FOXP4: variants seen among roughly 807,000 people sequenced by gnomAD.
The protein encoded by FOXP4 is forkhead box protein P4.
Under a neutral mutation model 82.6 loss-of-function variants are expected in FOXP4, and 25 were observed. The observed-to-expected ratio is 0.30, with a 90% CI of 0.22 to 0.42. The LOEUF (loss-of-function observed/expected upper bound fraction) is 0.42. FOXP4 is among the 10% of genes least tolerant of loss of function. The pLI, the probability that FOXP4 is intolerant of heterozygous loss-of-function variation, is 1.00. For synonymous variants in FOXP4, 415 were observed against 388.2 expected (o/e 1.07, Z -0.81); for missense variants, 785 against 900.9 (o/e 0.87, Z 1.65).
chr6:41,598,410 G>A (rs1767001221), intron 16 of FOXP4, among the ~76,000 whole-genome samples: 1 of 151,966 alleles, frequency 6.6e-6, no homozygotes, highest in Admixed American at 6.6e-5. Flanking sequence ...AGAGAATGGG[G>A]TTTCACCGTG....
intron 2 of FOXP4, among the ~76,000 whole-genome samples, chr6:41,570,973 A>G (rs1381074245): frequency 2.0e-5 from 3 of 151,910 alleles, no homozygotes; most frequent in Non-Finnish European, 4.4e-5. Flanking sequence ...CCCCACTCCA[A>G]CCCTACATTG....
chr6:41,598,177 C>T (rs1308050038), intron 16 of FOXP4, among the ~76,000 whole-genome samples: 4 of 151,240 alleles, frequency 2.6e-5, no homozygotes, highest in African/African-American at 7.3e-5. Context: ...TTCTCCTCCC[C>T]ATTTTCCCCC....
At chr6:41,581,440 C>T (rs774894802) in intron 3 of FOXP4, among the ~76,000 whole-genome samples, 53 of 152,156 alleles carry the variant, frequency 3.5e-4, no homozygotes, top group Non-Finnish European at 5.7e-4. Flanking sequence ...AGGCAGCTGC[C>T]GGCGTTTGGC....
At chr6:41,598,676 A>C in intron 16 of FOXP4, 113 bp from the exon 17 acceptor site, 2 of 1,449,748 alleles carry the variant, frequency 1.4e-6, no homozygotes, top group Non-Finnish European at 1.9e-6. Flanking sequence ...GATCCTGGGG[A>C]GGGGGCTGTG....
intron 15 of FOXP4, 119 bp from the exon 16 acceptor site, chr6:41,597,662 G>C (rs181859537): frequency 1.9e-4 from 254 of 1,305,612 alleles, no homozygotes; most frequent in South Asian, 2.8e-4. Flanking sequence ...AGATCCGCCC[G>C]TGGGGCCAGT....
At chr6:41,575,976 T>C (rs1485872220) in intron 2 of FOXP4, among the ~76,000 whole-genome samples, 1 of 151,802 alleles carries the variant, frequency 6.6e-6, no homozygotes, top group East Asian at 1.9e-4. Flanking sequence ...TGGAGGAGTT[T>C]GTAAAAGCAA....
chr6:41,551,569 A>G (rs1035735187), intron 1 of FOXP4, among the ~76,000 whole-genome samples: 1 of 152,176 alleles, frequency 6.6e-6, no homozygotes, highest in African/African-American at 2.4e-5. Context: ...AGATAGAGGT[A>G]AATGGTGTTT....
intron 2 of FOXP4, among the ~76,000 whole-genome samples, chr6:41,571,220 A>C (rs1172140838): frequency 1.3e-5 from 2 of 151,196 alleles, no homozygotes; most frequent in African/African-American, 4.9e-5. Flanking sequence ...GGCACTGAGG[A>C]CTCTCCCCCT....
rs1006612064 is a variant in FOXP4 at position 41,552,321 on chromosome 6, G to T, written c.-17+5454G>T. On this transcript the variant is annotated intron_variant, in intron 1 of 16. Coordinates refer to ENST00000307972, the MANE Select transcript of FOXP4 (RefSeq NM_001012426.2). The stretch of plus-strand genomic sequence containing the variant: ...GTTTTGGGGAGATATGAAACATCAG[G>T]ATTTGTGGGAGACCCAGCGAGAGGC... Among the ~76,000 whole-genome samples, 4 of 152,296 alleles carry T rather than the reference G, an allele frequency of 2.6e-5. No individual in the cohort carries two copies. The East Asian group carries it at 7.7e-4, about 29-fold the overall frequency.
At chr6:41,577,750 A>G (rs1353428885) in intron 2 of FOXP4, among the ~76,000 whole-genome samples, 1 of 152,050 alleles carries the variant, frequency 6.6e-6, no homozygotes, top group Non-Finnish European at 1.5e-5. Context: ...GAGTCCTAAC[A>G]AAACTTCACT....
At chr6:41,583,410 G>A (rs1027685525) in intron 3 of FOXP4, among the ~76,000 whole-genome samples, 2 of 152,200 alleles carry the variant, frequency 1.3e-5, no homozygotes, top group African/African-American at 4.8e-5. Context: ...TGAGGCTGAG[G>A]CTTGGGAGAG....
Position 41,591,127 on chromosome 6 carries a change from T to C in FOXP4, c.1435-94T>C, listed in dbSNP as rs1766489578. ...TCTTCTCACAAAGTGAACTCGGGGC[T>C]AGGCAGAAGGGAGAGGTACTGGGGG... On this transcript the variant is annotated intron_variant, in intron 12 of 16. Transcript: ENST00000307972. The surrounding 1 kb of genome is among the most constrained non-coding windows in gnomAD (Gnocchi z 4.2). 4 of 984,952 alleles carry C rather than the reference T, an allele frequency of 4.1e-6. No homozygotes were observed. Among genetic ancestry groups the C allele is most frequent in the Non-Finnish European group, 6.3e-6 (4 of 635,444 alleles). The allele number at this position is 984,952 out of a possible 1,614,324, so 61.0% of individuals were successfully genotyped here. A position where few individuals can be genotyped will look rare whatever the true frequency, so the allele number is the denominator to read the frequency against.
intron 12 of FOXP4, 86 bp downstream of exon 12, chr6:41,590,433 C>A: frequency 1.4e-6 from 2 of 1,442,048 alleles, no homozygotes; most frequent in Admixed American, 1.8e-5. Flanking sequence ...CCAGGAAGGT[C>A]CTGGGGCCAA....
At chr6:41,582,555 C>T (rs1765861425) in intron 3 of FOXP4, among the ~76,000 whole-genome samples, 1 of 152,228 alleles carries the variant, frequency 6.6e-6, no homozygotes, top group Non-Finnish European at 1.5e-5. Flanking sequence ...CTTTGTTGGG[C>T]ACCCCCTTGG....
At chr6:41,587,742 C>A (rs756573814) in intron 7 of FOXP4, 51 bp from the exon 8 acceptor site, 6 of 1,277,060 alleles carry the variant, frequency 4.7e-6, no homozygotes, top group Non-Finnish European at 6.6e-6. Flanking sequence ...ACTACAGGGC[C>A]GCTGGGGTCT....
intron 2 of FOXP4, among the ~76,000 whole-genome samples, chr6:41,573,262 C>T (rs1402063652): frequency 1.3e-5 from 2 of 152,152 alleles, no homozygotes; most frequent in Admixed American, 6.5e-5. Flanking sequence ...CCACCAACCC[C>T]GAATTCCCAG....
intron 4 of FOXP4, 108 bp from the exon 5 acceptor site, chr6:41,585,323 G>A (rs1766044111): frequency 3.4e-6 from 4 of 1,160,648 alleles, no homozygotes; most frequent in African/African-American, 1.6e-5. Context: ...GCCAGACCAT[G>A]TTTTAGGGAA....
At position 41,578,717 on chromosome 6, in the gene FOXP4, C is replaced by T. The variant is rs866756040; in HGVS notation, c.300+636C>T. ...GGAGGGGAGATCTGTGGGGGGTGGG[C>T]GGGGGGTGGGGGAGCCAGGCCTTCT... On this transcript the variant is annotated intron_variant, in intron 3 of 16. Transcript: ENST00000307972. 6.2e-3 allele frequency among the ~76,000 whole-genome samples: 283 copies of T among 45,462 alleles called. 2 individuals carry two copies. Among genetic ancestry groups the T allele is most frequent in the African/African-American group, 0.027 (272 of 10,104 alleles). The allele number at this position is 45,462 out of a possible 152,430, so 29.8% of individuals were successfully genotyped here.
intron 1 of FOXP4, among the ~76,000 whole-genome samples, chr6:41,551,096 C>T (rs998086855): frequency 2.0e-5 from 3 of 152,246 alleles, no homozygotes; most frequent in Admixed American, 1.3e-4. Context: ...GCCGGGATCA[C>T]AGCGGGAACC....
Sources: gnomAD v4.1 joint callset for allele counts (sites outside exome capture counted in the v4.1 genomes callset) on GRCh38, gnomAD v4.1.1 for gene constraint, Gnocchi (gnomAD v3.1) non-coding constraint, MANE v1.5 for transcripts, NCBI Gene and HGNC (gene_info 2026-07-23, HGNC 2026-07-21) for gene names.